The following ADD3 variants were observed in gnomAD, a reference collection of about 807,000 sequenced individuals.
ADD3 encodes the protein gamma-adducin.
ADD3 carries 25 observed loss-of-function variants against 80.2 expected under a neutral mutation model. That is an observed-to-expected ratio of 0.31 (90% confidence interval 0.23 to 0.44). The LOEUF (loss-of-function observed/expected upper bound fraction) is 0.44, where lower values mean the gene tolerates loss of function less well. ADD3 is among the 20% of genes least tolerant of loss of function. The probability of loss-of-function intolerance (pLI) is 1.00; values close to 1 mark genes in which losing one functional copy is unlikely to be tolerated. For missense variants in ADD3, 829 were observed against 847.5 expected (o/e 0.98, Z 0.27); for synonymous variants, 284 against 289.6 (o/e 0.98, Z 0.20).
Position 110,118,601 on chromosome 10 carries a change from A to G in ADD3, c.582A>G (p.Ile194Met). Residue 194 changes from isoleucine (I) to methionine (M), a missense_variant, in exon 6 of 15, where the codon ATA (isoleucine) becomes ATG (methionine). Physicochemically the swap from Ile to Met is conservative, Grantham distance 10. Coordinates refer to ENST00000356080, the MANE Select transcript of ADD3 (RefSeq NM_016824.5). ...ATTTTTTCCAGGTGAAAGTCAATAT[A>G]ATAGGAGAAGTGGTTGACCAGGGAA... ...ATASNLVKVN[I>M]IGEVVDQGST... 1 of 1,613,920 alleles carries G rather than the reference A, an allele frequency of 6.2e-7. No homozygotes were observed. The highest frequency in any genetic ancestry group is 8.5e-7 in the Non-Finnish European group (1 of 1,179,800).
rs41291884 is a variant in ADD3 at position 110,100,647 on chromosome 10, T to G, written c.-7T>G. 8.8e-6 allele frequency: 14 copies of G among 1,597,858 alleles called. No individual in the cohort carries two copies. The highest frequency in any genetic ancestry group is 1.2e-5 in the Non-Finnish European group (14 of 1,173,530). ...CAGATAACAAGAGTAATCCACAGAC[T>G]TAAAACATGAGCTCAGATGCCAGCC... On this transcript the variant is annotated 5_prime_UTR_variant, in exon 2 of 15. Coordinates refer to ENST00000356080, the MANE Select transcript of ADD3 (RefSeq NM_016824.5).
intron 12 of ADD3, 82 bp downstream of exon 12, chr10:110,126,585 T>C: frequency 9.9e-7 from 1 of 1,013,210 alleles, no homozygotes; most frequent in South Asian, 1.5e-5. Context: ...TATTTATTTT[T>C]ACTAAGGTTA....
upstream of ADD3, among the ~76,000 whole-genome samples, chr10:110,007,007 G>A (rs1365943351): frequency 2.6e-5 from 4 of 152,090 alleles, no homozygotes; most frequent in East Asian, 7.7e-4. Context: ...GCAGAGAAAA[G>A]TGTGCACCGC....
chr10:110,099,065 G>A (rs1190213981), intron 1 of ADD3, among the ~76,000 whole-genome samples: 2 of 148,192 alleles, frequency 1.3e-5, no homozygotes, highest in Non-Finnish European at 3.0e-5. Flanking sequence ...GACTACAGGT[G>A]CATGCCAACA....
At chr10:110,044,279 G>T (rs957792034) in intron 1 of ADD3, among the ~76,000 whole-genome samples, 13 of 152,144 alleles carry the variant, frequency 8.5e-5, no homozygotes, top group Non-Finnish European at 1.5e-5. Flanking sequence ...TTTATAGATT[G>T]ATTATATTAG....
intron 1 of ADD3, among the ~76,000 whole-genome samples, chr10:110,082,731 A>AT (rs1041238499): frequency 1.8e-4 from 27 of 152,184 alleles, no homozygotes; most frequent in African/African-American, 6.3e-4. Context: ...GTAAATATAG[A>AT]TTTTTAGAAA....
At chr10:110,052,426 A>G (rs1857623393) in intron 1 of ADD3, among the ~76,000 whole-genome samples, 4 of 152,208 alleles carry the variant, frequency 2.6e-5, no homozygotes, top group African/African-American at 9.6e-5. Context: ...CAGTGGTAGC[A>G]TTAGATTCTC....
intron 1 of ADD3, among the ~76,000 whole-genome samples, chr10:110,042,009 C>T (rs1434470842): frequency 6.6e-6 from 1 of 152,100 alleles, no homozygotes; most frequent in African/African-American, 2.4e-5. Context: ...GGATCCGTGA[C>T]CCTGTATTAA....
intron 1 of ADD3, among the ~76,000 whole-genome samples, chr10:110,086,214 A>C: frequency 6.6e-6 from 1 of 152,130 alleles, no homozygotes; most frequent in East Asian, 1.9e-4. Context: ...GGTCAAGACC[A>C]TCCTGGCCAA....
chr10:110,058,826 T>C (rs1858526834), intron 1 of ADD3, among the ~76,000 whole-genome samples: 1 of 152,218 alleles, frequency 6.6e-6, no homozygotes, highest in African/African-American at 2.4e-5. Flanking sequence ...ATGATTCTTT[T>C]CAGTATCACA....
chr10:110,030,136 C>T (rs1456419677), intron 1 of ADD3, among the ~76,000 whole-genome samples: 1,654 of 148,218 alleles, frequency 0.011, 30 homozygotes, highest in South Asian at 0.057. Context: ...CCAGCCTGAC[C>T]AACATGGAGA....
At chr10:110,094,519 TG>T (rs1487324268) in intron 1 of ADD3, among the ~76,000 whole-genome samples, 4 of 152,196 alleles carry the variant, frequency 2.6e-5, no homozygotes, top group Non-Finnish European at 5.9e-5. Flanking sequence ...GTGCACTTAG[TG>T]CCATCTGTAT....
At chr10:110,117,229 G>GTT (rs374645445) in intron 4 of ADD3, 113 bp from the exon 5 acceptor site, 39 of 537,056 alleles carry the variant, frequency 7.3e-5, no homozygotes, top group South Asian at 2.2e-4. Context: ...TGCTTTGTTG[G>GTT]TTTTTTTTTT....
At chr10:110,040,964 G>GTCTCTCTCTCTC (rs66979569) in intron 1 of ADD3, among the ~76,000 whole-genome samples, 1 of 149,504 alleles carries the variant, frequency 6.7e-6, no homozygotes, top group African/African-American at 2.5e-5. Context: ...GTCTCTCTCT[G>GTCTCTCTCTCTC]TCTCTCTCTC....
intron 1 of ADD3, among the ~76,000 whole-genome samples, chr10:110,066,560 T>C (rs2133585254): frequency 6.6e-6 from 1 of 152,260 alleles, no homozygotes; most frequent in South Asian, 2.1e-4. Context: ...ATTCTCTCTG[T>C]TAAGGGATAG....
intron 1 of ADD3, among the ~76,000 whole-genome samples, chr10:110,056,488 G>A (rs1564903308): frequency 6.6e-6 from 1 of 152,152 alleles, no homozygotes; most frequent in African/African-American, 2.4e-5. Context: ...CAGCACAGCC[G>A]AAGTAAGGGT....
intron 1 of ADD3, among the ~76,000 whole-genome samples, chr10:110,025,787 A>G (rs1231167310): frequency 6.6e-6 from 1 of 152,122 alleles, no homozygotes; most frequent in Non-Finnish European, 1.5e-5. Flanking sequence ...AACTCCATTC[A>G]TGCAATTCTG....
At chr10:110,087,865 C>G (rs550800055) in intron 1 of ADD3, among the ~76,000 whole-genome samples, 5 of 152,292 alleles carry the variant, frequency 3.3e-5, no homozygotes, top group Admixed American at 2.6e-4. Flanking sequence ...GATCTATTCT[C>G]TTACAGTTCC....
At chr10:110,101,268 G>A (rs191649643) in intron 2 of ADD3, among the ~76,000 whole-genome samples, 127 of 152,270 alleles carry the variant, frequency 8.3e-4, no homozygotes, top group Middle Eastern at 6.8e-3. Context: ...GAGGAAGTCT[G>A]TGATTTGGCA....
Sources: allele counts gnomAD v4.1 joint callset (sites outside exome capture counted in the v4.1 genomes callset), GRCh38; gene constraint gnomAD v4.1.1; transcripts MANE v1.5; gene names NCBI Gene and HGNC (gene_info 2026-07-23, HGNC 2026-07-21).